Variants in CDH6 observed in about 807,000 individuals in gnomAD.
CDH6 encodes cadherin-6.
In CDH6, 31 loss-of-function variants were observed where a neutral mutation model predicts 78.0. The ratio of observed to expected loss-of-function variants is 0.40; its 90% CI spans 0.30 to 0.54. The LOEUF is 0.54. Ranked by LOEUF, CDH6 falls within the 20% of genes least tolerant of loss-of-function variation. CDH6 has a pLI of 0.56. For missense variants in CDH6, 724 were observed against 975.9 expected, an observed-to-expected ratio of 0.74 and a Z score of 3.44; for synonymous variants, 376 against 368.8, an observed-to-expected ratio of 1.02 and a Z score of -0.23.
chr5:31,235,017 T>C (rs1469755818), intron 1 of CDH6, among the ~76,000 whole-genome samples: 1 of 152,166 alleles, frequency 6.6e-6, no homozygotes, highest in Non-Finnish European at 1.5e-5. Context: ...GAGTTTGCCA[T>C]ACTGTACTCA....
At chr5:31,220,666 A>G (rs1740980985) in intron 1 of CDH6, among the ~76,000 whole-genome samples, 2 of 152,348 alleles carry the variant, frequency 1.3e-5, no homozygotes, top group South Asian at 4.1e-4. Flanking sequence ...CGTGCTATGA[A>G]GAAGGTGGAC....
At chr5:31,296,871 A>T (rs1316827873) in intron 3 of CDH6, among the ~76,000 whole-genome samples, 1 of 152,172 alleles carries the variant, frequency 6.6e-6, no homozygotes, top group Admixed American at 6.6e-5. Context: ...CAAGAAAAAG[A>T]GTATCTATGA....
In CDH6 at chr5:31,294,304, T is replaced by C. The variant is rs758317106; in HGVS notation, c.523+48T>C. The C allele has an allele frequency of 4.7e-6, 7 of 1,504,026 alleles. No individual in the cohort carries two copies. In the African/African-American group the frequency reaches 9.7e-5, roughly 21 times the overall value. The allele number at this position is 1,504,026 out of a possible 1,614,324, so 93.2% of individuals were successfully genotyped here. On this transcript the variant is annotated intron_variant, in intron 3 of 11. Coordinates refer to ENST00000265071, the MANE Select transcript of CDH6 (RefSeq NM_004932.4). The surrounding 1 kb of genome is among the most constrained non-coding windows in gnomAD (Gnocchi z 4.1). ...CAAAAGCTGGCTTTCCCCTAGTGCA[T>C]CCACTGAGTAAGGAATCCCACGAGC...
rs1036425023 is a variant in CDH6 at position 31,291,778 on chromosome 5, A to G, written c.229-2184A>G. 1.2e-4 allele frequency among the ~76,000 whole-genome samples: 18 copies of G among 152,208 alleles called. 1 individual carries two copies. Among genetic ancestry groups the G allele is most frequent in the Admixed American group, 5.9e-4 (9 of 15,282 alleles). ...TTTCCCCAGTGGCTCTTTGTGTGTC[A>G]TGATGGTTTCAGCGTTTCCTTAGCA... On this transcript the variant is annotated intron_variant, in intron 2 of 11. Transcript: ENST00000265071.
intron 11 of CDH6, among the ~76,000 whole-genome samples, chr5:31,322,088 G>A (rs1738489754): frequency 6.6e-6 from 1 of 151,846 alleles, no homozygotes; most frequent in Non-Finnish European, 1.5e-5. Flanking sequence ...ATGAACCTTT[G>A]AAAAATAAAA....
At chr5:31,304,342 C>T (rs1377873219) in intron 6 of CDH6, among the ~76,000 whole-genome samples, 1 of 152,070 alleles carries the variant, frequency 6.6e-6, no homozygotes, top group East Asian at 1.9e-4. Context: ...GTTTAATGGT[C>T]CACGCTGGGG....
intron 1 of CDH6, among the ~76,000 whole-genome samples, chr5:31,259,779 G>T (rs769677801): frequency 6.6e-6 from 1 of 152,200 alleles, no homozygotes; most frequent in Admixed American, 6.5e-5. Flanking sequence ...TCAAGAGCCA[G>T]GCAAGGTGCT....
At chr5:31,253,102 C>T (rs188998491) in intron 1 of CDH6, among the ~76,000 whole-genome samples, 1 of 152,332 alleles carries the variant, frequency 6.6e-6, no homozygotes, top group African/African-American at 2.4e-5. Flanking sequence ...GGAGGCCTGG[C>T]TTCCTGATTC....
In CDH6 at chr5:31,324,835, T is replaced by G. The variant is rs1002470842; in HGVS notation, c.*1527T>G. 4.9e-6 allele frequency: 1 copy of G among 205,282 alleles called. No individual in the cohort carries two copies. The highest frequency in any genetic ancestry group is 9.9e-6 in the Non-Finnish European group (1 of 100,544). The allele number at this position is 205,282 out of a possible 1,614,324, so 12.7% of individuals were successfully genotyped here. On this transcript the variant is annotated 3_prime_UTR_variant, in exon 12 of 12. Transcript: ENST00000265071. ...CACGCTGTTCTAATGGCACTTATCATTAGAATCTTACCTTGTGCAGTCATC... is the reference window on the plus strand; with the variant it reads ...CACGCTGTTCTAATGGCACTTATCAGTAGAATCTTACCTTGTGCAGTCATC...
chr5:31,210,892 C>CTGTA (rs1318779433), intron 1 of CDH6, among the ~76,000 whole-genome samples: 2 of 152,090 alleles, frequency 1.3e-5, no homozygotes, highest in Admixed American at 1.3e-4. Context: ...AGAGGGCCAA[C>CTGTA]TGTATTGTAT....
intron 1 of CDH6, among the ~76,000 whole-genome samples, chr5:31,227,435 TAATA>T (rs1487335871): frequency 1.6e-4 from 24 of 152,328 alleles, no homozygotes; most frequent in Non-Finnish European, 2.5e-4. Flanking sequence ...AAGCATAATA[TAATA>T]AATAAACAAG....
intron 7 of CDH6, 83 bp from the exon 8 acceptor site, chr5:31,313,235 T>C: frequency 7.9e-7 from 1 of 1,268,278 alleles, no homozygotes; most frequent in Non-Finnish European, 1.1e-6. Context: ...ATATGATGTG[T>C]ACCAGATGTT....
intron 1 of CDH6, among the ~76,000 whole-genome samples, chr5:31,240,518 A>G (rs1309233513): frequency 6.6e-6 from 1 of 152,146 alleles, no homozygotes; most frequent in African/African-American, 2.4e-5. Flanking sequence ...AGCAGAAAAT[A>G]TGAGGCCAAA....
At chr5:31,261,311 A>G (rs1742206214) in intron 1 of CDH6, among the ~76,000 whole-genome samples, 1 of 152,238 alleles carries the variant, frequency 6.6e-6, no homozygotes, top group African/African-American at 2.4e-5. Flanking sequence ...ATAAATAACC[A>G]GCTGTTTTCT....
At chr5:31,267,017 A>G (rs1253601551) in intron 1 of CDH6, among the ~76,000 whole-genome samples, 1 of 152,150 alleles carries the variant, frequency 6.6e-6, no homozygotes, top group Non-Finnish European at 1.5e-5. Context: ...ACACAAACTC[A>G]TTTTTTCTAC....
In CDH6 at chr5:31,315,935, G is replaced by A. The variant is rs72751507; in HGVS notation, c.1391-273G>A. 1.1e-3 allele frequency among the ~76,000 whole-genome samples: 160 copies of A among 152,152 alleles called. 2 individuals are homozygous for A. Among genetic ancestry groups the A allele is most frequent in the Non-Finnish European group, 1.1e-3 (77 of 68,014 alleles). On this transcript the variant is annotated intron_variant, in intron 8 of 11. Transcript: ENST00000265071. ...ATCTACCTCTAAAATGCCTTTCTTGGTTTTGTGTTATCTTAAGGTTTATTA... is the reference window on the plus strand; with the variant it reads ...ATCTACCTCTAAAATGCCTTTCTTGATTTTGTGTTATCTTAAGGTTTATTA...
At chr5:31,258,579 A>G (rs537885821) in intron 1 of CDH6, among the ~76,000 whole-genome samples, 67 of 152,204 alleles carry the variant, frequency 4.4e-4, no homozygotes, top group African/African-American at 1.5e-3. Flanking sequence ...TGGCATGTGT[A>G]TATCTATGAA....
intron 3 of CDH6, among the ~76,000 whole-genome samples, chr5:31,296,989 A>G (rs946521766): frequency 6.6e-6 from 1 of 152,172 alleles, no homozygotes; most frequent in Non-Finnish European, 1.5e-5. Flanking sequence ...GGATAACTCG[A>G]AAGAATCACT....
intron 1 of CDH6, among the ~76,000 whole-genome samples, chr5:31,255,854 T>C (rs7349771): frequency 0.62 from 94,212 of 152,180 alleles, 29,910 homozygotes; most frequent in African/African-American, 0.75. Context: ...ACATAAAACA[T>C]ATTGAATGAA....
Sources: allele counts gnomAD v4.1 joint callset (sites outside exome capture counted in the v4.1 genomes callset), GRCh38; gene constraint gnomAD v4.1.1; non-coding constraint Gnocchi (gnomAD v3.1); transcripts MANE v1.5; gene names NCBI Gene and HGNC (gene_info 2026-07-23, HGNC 2026-07-21).